MAGI2: variants seen among roughly 807,000 people sequenced by gnomAD.
The protein encoded by MAGI2 is membrane-associated guanylate kinase, WW and PDZ domain-containing protein 2.
MAGI2 carries 35 observed loss-of-function variants against 133.3 expected under a neutral mutation model. The observed-to-expected ratio is 0.26, with a 90% confidence interval of 0.20 to 0.35. The LOEUF is 0.35. MAGI2 is among the 10% of genes least tolerant of loss of function. The probability of loss-of-function intolerance (pLI) is 1.00; values close to 1 mark genes in which losing one functional copy is unlikely to be tolerated. For missense variants in MAGI2, 1,636 were observed against 1,863.4 expected, an observed-to-expected ratio of 0.88 and a Z score of 2.25; for synonymous variants, 729 against 710.6, an observed-to-expected ratio of 1.03 and a Z score of -0.41.
intron 1 of MAGI2, among the ~76,000 whole-genome samples, chr7:79,022,869 G>T (rs1357173896): frequency 1.3e-5 from 2 of 152,048 alleles, no homozygotes; most frequent in Non-Finnish European, 2.9e-5. Context: ...GAAAGCCTAT[G>T]AACCAGAACA....
chr7:78,933,106 A>G (rs758767574), intron 2 of MAGI2, among the ~76,000 whole-genome samples: 1 of 152,128 alleles, frequency 6.6e-6, no homozygotes, highest in South Asian at 2.1e-4. Context: ...TTGGGTTCCC[A>G]ATCCTTTTGT....
chr7:78,664,159 T>C lies in MAGI2; in HGVS notation c.419-36920A>G, dbSNP rs143690981. Among the ~76,000 whole-genome samples, 628 of 152,270 alleles carry C rather than the reference T, an allele frequency of 4.1e-3. 3 individuals are homozygous for C. The highest frequency in any genetic ancestry group is 0.015 in the African/African-American group (608 of 41,552). On this transcript the variant is annotated intron_variant, in intron 2 of 21. Transcript: ENST00000354212. Reference sequence around the variant, plus strand: ...TCATTCCAAACCATGAATAATTATATATTATTGAGAAGTGACACTTACATA... The same window carrying C: ...TCATTCCAAACCATGAATAATTATACATTATTGAGAAGTGACACTTACATA...
chr7:78,142,254 G>A (rs573112850), intron 16 of MAGI2, among the ~76,000 whole-genome samples: 1 of 152,094 alleles, frequency 6.6e-6, no homozygotes, highest in Non-Finnish European at 1.5e-5. Context: ...TTTTGCGCTA[G>A]ACCCTGCAAA....
chr7:78,463,767 C>T (rs889002851), intron 6 of MAGI2, among the ~76,000 whole-genome samples: 1 of 152,146 alleles, frequency 6.6e-6, no homozygotes, highest in Admixed American at 6.5e-5. Context: ...CATTATTTTT[C>T]ATGTCTACTA....
intron 2 of MAGI2, among the ~76,000 whole-genome samples, chr7:78,822,700 C>G (rs890227029): frequency 2.0e-5 from 3 of 152,040 alleles, no homozygotes; most frequent in African/African-American, 7.2e-5. Flanking sequence ...TCCCCACCTA[C>G]TGCCTGTTTT....
chr7:78,667,725 A>C (rs1313094627), intron 2 of MAGI2, among the ~76,000 whole-genome samples: 3 of 151,848 alleles, frequency 2.0e-5, no homozygotes, highest in African/African-American at 7.3e-5. Flanking sequence ...TGAACTCATC[A>C]TTTTTTATGG....
chr7:78,697,610 A>C (rs1371862204), intron 2 of MAGI2, among the ~76,000 whole-genome samples: 1 of 152,178 alleles, frequency 6.6e-6, no homozygotes, highest in Non-Finnish European at 1.5e-5. Flanking sequence ...GCAATACAAA[A>C]AAAGATTGCC....
chr7:78,027,789 AC>A (rs1201526846), intron 21 of MAGI2, among the ~76,000 whole-genome samples: 1 of 152,220 alleles, frequency 6.6e-6, no homozygotes, highest in African/African-American at 2.4e-5. Flanking sequence ...TATATTAGAT[AC>A]TGGAGACACT....
At chr7:79,335,238 G>A (rs78904878) in intron 1 of MAGI2, among the ~76,000 whole-genome samples, 5,873 of 152,160 alleles carry the variant, frequency 0.039, 358 homozygotes, top group African/African-American at 0.13. Flanking sequence ...CTTTAACATA[G>A]TTTATTTTTA....
At chr7:78,877,588 C>A (rs1036502822) in intron 2 of MAGI2, among the ~76,000 whole-genome samples, 35 of 152,280 alleles carry the variant, frequency 2.3e-4, no homozygotes, top group Non-Finnish European at 1.2e-4. Flanking sequence ...AGGCTGTAGT[C>A]AAAGGCACTG....
intron 6 of MAGI2, among the ~76,000 whole-genome samples, chr7:78,440,913 A>G (rs113418364): frequency 0.032 from 4,852 of 152,236 alleles, 232 homozygotes; most frequent in African/African-American, 0.11. Context: ...AGATCGCACC[A>G]CTGCACTCCC....
intron 9 of MAGI2, among the ~76,000 whole-genome samples, chr7:78,341,027 G>T (rs1160942104): frequency 6.6e-6 from 1 of 152,112 alleles, no homozygotes; most frequent in Non-Finnish European, 1.5e-5. Flanking sequence ...GTCTCTTTTT[G>T]CAGATTACAT....
At chr7:78,812,390 G>C (rs1563534596) in intron 2 of MAGI2, among the ~76,000 whole-genome samples, 1 of 152,138 alleles carries the variant, frequency 6.6e-6, no homozygotes, top group Non-Finnish European at 1.5e-5. Context: ...TCCTAGTTCA[G>C]AGGTTGAAGC....
chr7:78,891,685 A>C (rs1045410150), intron 2 of MAGI2, among the ~76,000 whole-genome samples: 1 of 152,228 alleles, frequency 6.6e-6, no homozygotes, highest in East Asian at 1.9e-4. Context: ...ACAACACTTC[A>C]TGCTAAAATC....
chr7:78,343,588 T>C (rs1409173742), intron 9 of MAGI2, among the ~76,000 whole-genome samples, 190 bp downstream of exon 9: 1 of 152,208 alleles, frequency 6.6e-6, no homozygotes, highest in Non-Finnish European at 1.5e-5. Flanking sequence ...AAAAATTATA[T>C]TCAAAATTGT....
At chr7:78,655,520 A>AT (rs1812136287) in intron 2 of MAGI2, among the ~76,000 whole-genome samples, 2 of 151,016 alleles carry the variant, frequency 1.3e-5, no homozygotes, top group South Asian at 4.2e-4. Flanking sequence ...AGCATAGAGA[A>AT]TACGTCTGAA....
At chr7:79,212,930 T>C (rs544162851) in intron 1 of MAGI2, among the ~76,000 whole-genome samples, 1 of 152,090 alleles carries the variant, frequency 6.6e-6, no homozygotes, top group Admixed American at 6.5e-5. Context: ...CCATGTGATT[T>C]TCAGTGGATG....
chr7:78,592,086 C>T (rs1804062061), intron 3 of MAGI2, among the ~76,000 whole-genome samples: 1 of 152,106 alleles, frequency 6.6e-6, no homozygotes, highest in Admixed American at 6.5e-5. Context: ...CCAGAAAGAT[C>T]ACATCTCACT....
chr7:78,324,689 G>T (rs147830259), intron 9 of MAGI2, among the ~76,000 whole-genome samples: 1 of 152,098 alleles, frequency 6.6e-6, no homozygotes, highest in Non-Finnish European at 1.5e-5. Context: ...GCCCAGGTGC[G>T]GTGGCTCACA....
Sources: allele counts gnomAD v4.1 joint callset (sites outside exome capture counted in the v4.1 genomes callset), GRCh38; gene constraint gnomAD v4.1.1; transcripts MANE v1.5; gene names NCBI Gene and HGNC (gene_info 2026-07-23, HGNC 2026-07-21).